SMARCA1: variants seen among roughly 807,000 people sequenced by gnomAD.
The protein encoded by SMARCA1 is SWI/SNF-related matrix-associated actin-dependent regulator of chromatin subfamily A member 1.
In SMARCA1, 17 loss-of-function variants were observed where a neutral mutation model predicts 93.6. The observed-to-expected ratio is 0.18, with a 90% CI of 0.12 to 0.27. SMARCA1 has a LOEUF of 0.27. Ranked by LOEUF, SMARCA1 falls within the 10% of genes least tolerant of loss-of-function variation. The pLI is 1.00. For synonymous variants in SMARCA1, 271 were observed against 271.4 expected (o/e 1.00, Z 0.01); for missense variants, 630 against 819.0 (o/e 0.77, Z 2.82).
chrX:129,454,135 C>G (rs985871964), intron 23 of SMARCA1, among the ~76,000 whole-genome samples: 2 of 111,636 alleles, frequency 1.8e-5, no homozygotes, highest in African/African-American at 3.3e-5. Context: ...AGAAATAACA[C>G]CACACATCTA....
At chrX:129,512,842 G>A (rs1935059618) in intron 5 of SMARCA1, among the ~76,000 whole-genome samples, 1 of 111,720 alleles carries the variant, frequency 9.0e-6, no homozygotes, top group Non-Finnish European at 1.9e-5. Flanking sequence ...TCTGAGAGGT[G>A]CACAAAAACT....
At chrX:129,487,505 C>T (rs779714568) in intron 16 of SMARCA1, among the ~76,000 whole-genome samples, 23 of 112,492 alleles carry the variant, frequency 2.0e-4, no homozygotes, top group Non-Finnish European at 2.8e-4. Context: ...CATATTAACA[C>T]AAGATCATTT....
chrX:129,451,021 A>G (rs761030205), intron 23 of SMARCA1, among the ~76,000 whole-genome samples: 26 of 112,127 alleles, frequency 2.3e-4, no homozygotes, highest in African/African-American at 8.4e-4. Flanking sequence ...GAGTCTAGCC[A>G]GAAAAAAATT....
intron 23 of SMARCA1, among the ~76,000 whole-genome samples, chrX:129,458,829 T>A (rs992090417): frequency 1.8e-5 from 2 of 112,145 alleles, no homozygotes; most frequent in African/African-American, 6.5e-5. Context: ...TAGGTAAAGT[T>A]CTATGAGGTC....
chrX:129,486,197 TCTAA>T (rs1169719784), intron 17 of SMARCA1, among the ~76,000 whole-genome samples: 1 of 110,245 alleles, frequency 9.1e-6, no homozygotes, highest in East Asian at 2.8e-4. Context: ...TCCCCTGGAA[TCTAA>T]CACCAGTTAA....
At chrX:129,460,511 C>T (rs1846705521) in intron 23 of SMARCA1, among the ~76,000 whole-genome samples, 1 of 109,881 alleles carries the variant, frequency 9.1e-6, no homozygotes, top group African/African-American at 3.3e-5. Context: ...ATTAGCCGGT[C>T]GTAGTGATGC....
chrX:129,506,311 A>G, intron 7 of SMARCA1, 100 bp from the exon 8 acceptor site: 2 of 633,751 alleles, frequency 3.2e-6, no homozygotes, highest in Non-Finnish European at 4.9e-6. Context: ...TGACTACAAT[A>G]TAACTTGAAA....
chrX:129,483,679 A>G (rs753853429), intron 17 of SMARCA1, among the ~76,000 whole-genome samples: 1 of 111,958 alleles, frequency 8.9e-6, no homozygotes, highest in East Asian at 2.8e-4. Flanking sequence ...TTGAAGGCCA[A>G]TTCCTCAACT....
chrX:129,466,799 A>AG (rs1476707283), intron 21 of SMARCA1, among the ~76,000 whole-genome samples: 2 of 107,426 alleles, frequency 1.9e-5, no homozygotes, highest in African/African-American at 6.8e-5. Context: ...AATGACCAGT[A>AG]GTGTGTTTTT....
intron 8 of SMARCA1, 111 bp from the exon 9 acceptor site, chrX:129,504,913 T>C: frequency 2.1e-6 from 1 of 485,834 alleles, no homozygotes; most frequent in Non-Finnish European, 3.5e-6. Flanking sequence ...AAAAGTACTT[T>C]CAAAAATATT....
At chrX:129,479,019 TCA>T (rs1254612819) in intron 19 of SMARCA1, among the ~76,000 whole-genome samples, 3 of 112,001 alleles carry the variant, frequency 2.7e-5, no homozygotes, top group African/African-American at 9.7e-5. Context: ...TCTCTGAACT[TCA>T]GTTTCCTCAC....
chrX:129,480,842 T>G lies in SMARCA1; in HGVS notation c.2329-28A>C, dbSNP rs558668606. On this transcript the variant is annotated intron_variant, in intron 18 of 24. Transcript: ENST00000371121. ...ATGAGGGAGGAAAATGTATTATATATACTTCTTTTCAGTACATGAAGTAAA... is the reference window on the plus strand; with the variant it reads ...ATGAGGGAGGAAAATGTATTATATAGACTTCTTTTCAGTACATGAAGTAAA... 2.9e-4 allele frequency: 270 copies of G among 919,631 alleles called. 2 individuals are homozygous for G. The South Asian group carries it at 6.0e-3, about 21-fold the overall frequency. The allele number at this position is 919,631 out of a possible 1,213,427, so 75.8% of individuals were successfully genotyped here. A position where few individuals can be genotyped will look rare whatever the true frequency, so the allele number is the denominator to read the frequency against.
In SMARCA1 at chrX:129,518,508, A is replaced by G. The variant is rs1004479853; in HGVS notation, c.175-61T>C. On this transcript the variant is annotated intron_variant, in intron 1 of 24. Transcript: ENST00000371121. ...CAAAGCAAGGTTCTTAAACTGGTCA[A>G]TGCTCTCATTAGAAGAAGGCGGAAA... The G allele has an allele frequency of 7.4e-6, 5 of 673,707 alleles. No individual in the cohort carries two copies. In the African/African-American group the frequency reaches 1.1e-4, roughly 15 times the overall value. The allele number at this position is 673,707 out of a possible 1,213,427, so 55.5% of individuals were successfully genotyped here.
chrX:129,470,801 G>A (rs753273535), intron 20 of SMARCA1, among the ~76,000 whole-genome samples: 4 of 111,529 alleles, frequency 3.6e-5, no homozygotes, highest in African/African-American at 1.3e-4. Flanking sequence ...CCTGGGAGGT[G>A]GAGGATACAG....
intron 15 of SMARCA1, 97 bp downstream of exon 15, chrX:129,489,963 T>C: frequency 1.7e-6 from 1 of 604,189 alleles, no homozygotes; most frequent in East Asian, 3.6e-5. Flanking sequence ...CTCTAAGTTT[T>C]CAAATTTTGG....
At chrX:129,491,849 T>C in intron 14 of SMARCA1, 92 bp downstream of exon 14, 1 of 595,906 alleles carries the variant, frequency 1.7e-6, no homozygotes, top group Non-Finnish European at 2.5e-6. Context: ...TCAAAAATTG[T>C]TACCTTTTTA....
intron 12 of SMARCA1, among the ~76,000 whole-genome samples, chrX:129,493,579 C>A (rs1013531578): frequency 3.1e-4 from 35 of 111,298 alleles, no homozygotes; most frequent in African/African-American, 1.0e-3. Flanking sequence ...TGAGAGGCAC[C>A]TTGGCGTAGA....
rs983516453 is a variant in SMARCA1 at position 129,461,820 on chromosome X, T to C, written c.3030+3700A>G. 2.7e-5 allele frequency among the ~76,000 whole-genome samples: 3 copies of C among 111,936 alleles called. No homozygotes were observed. The Admixed American group carries it at 2.9e-4, about 11-fold the overall frequency. On this transcript the variant is annotated intron_variant, in intron 23 of 24. Transcript: ENST00000371121. ...CTTCCTACTTGTTTATGTAGTTCAA[T>C]AGAGACTGATTACTTACTTAAAGAC...
intron 16 of SMARCA1, among the ~76,000 whole-genome samples, chrX:129,488,047 G>A (rs1294577762): frequency 9.0e-6 from 1 of 110,911 alleles, no homozygotes; most frequent in Non-Finnish European, 1.9e-5. Context: ...AGGACTGGTT[G>A]ATGGTTGTTA....
Sources: gnomAD v4.1 joint callset for allele counts (sites outside exome capture counted in the v4.1 genomes callset) on GRCh38, gnomAD v4.1.1 for gene constraint, MANE v1.5 for transcripts, NCBI Gene and HGNC (gene_info 2026-07-23, HGNC 2026-07-21) for gene names.